CDC14B: variants seen among roughly 807,000 people sequenced by gnomAD.
CDC14B encodes the protein dual specificity protein phosphatase CDC14B.
A neutral mutation model predicts 64.2 loss-of-function variants in CDC14B; 22 were observed. The observed-to-expected ratio is 0.34, with a 90% CI of 0.24 to 0.49. CDC14B has a LOEUF of 0.49. Ranked by LOEUF, CDC14B falls within the 20% of genes least tolerant of loss-of-function variation. The pLI, the probability that CDC14B is intolerant of heterozygous loss-of-function variation, is 0.99. For synonymous variants in CDC14B, 191 were observed against 215.8 expected, an observed-to-expected ratio of 0.89 and a Z score of 1.01; for missense variants, 498 against 629.9, an observed-to-expected ratio of 0.79 and a Z score of 2.24.
intron 12 of CDC14B, among the ~76,000 whole-genome samples, chr9:96,516,337 C>A (rs752523646): frequency 6.6e-6 from 1 of 152,126 alleles, no homozygotes; most frequent in Admixed American, 6.5e-5. Flanking sequence ...TAATATGGTT[C>A]ACATTTAACC....
intron 5 of CDC14B, among the ~76,000 whole-genome samples, chr9:96,546,480 G>C (rs139296356): frequency 6.6e-6 from 1 of 150,676 alleles, no homozygotes; most frequent in Admixed American, 6.6e-5. Flanking sequence ...ACGGAGTTTC[G>C]CTCTTGTCGC....
chr9:96,611,750 C>CA (rs1483533776), intron 1 of CDC14B, among the ~76,000 whole-genome samples: 2 of 151,804 alleles, frequency 1.3e-5, no homozygotes, highest in Non-Finnish European at 1.5e-5. Context: ...AACAAAAAAA[C>CA]AAAAAAAGAC....
chr9:96,610,831 C>A (rs1847268476), intron 1 of CDC14B, among the ~76,000 whole-genome samples: 2 of 152,090 alleles, frequency 1.3e-5, no homozygotes, highest in Non-Finnish European at 2.9e-5. Context: ...AAACTACTTT[C>A]AGTATTAACT....
At chr9:96,618,795 G>C (rs912863864) in intron 1 of CDC14B, 2 of 350,958 alleles carry the variant, frequency 5.7e-6, no homozygotes, top group African/African-American at 2.2e-5. Context: ...CAGCGCGCTC[G>C]GGGAATCCTC....
At chr9:96,608,919 ACACAC>A (rs1564393112) in intron 1 of CDC14B, among the ~76,000 whole-genome samples, 50 of 151,372 alleles carry the variant, frequency 3.3e-4, no homozygotes, top group African/African-American at 1.2e-3. Context: ...ACACACACAC[ACACAC>A]ACGAAAAGAC....
At chr9:96,600,109 T>C (rs1025405038) in intron 1 of CDC14B, among the ~76,000 whole-genome samples, 2 of 151,958 alleles carry the variant, frequency 1.3e-5, no homozygotes, top group African/African-American at 2.4e-5. Context: ...TTTTAAAGAA[T>C]CTTGGCTGAG....
intron 4 of CDC14B, among the ~76,000 whole-genome samples, chr9:96,553,797 T>C (rs1267373440): frequency 1.3e-5 from 2 of 152,090 alleles, no homozygotes; most frequent in Non-Finnish European, 2.9e-5. Context: ...ACTTACCAGA[T>C]AACATCAGTA....
intron 1 of CDC14B, chr9:96,567,179 C>T: frequency 3.1e-6 from 1 of 323,824 alleles, no homozygotes; most frequent in Non-Finnish European, 5.8e-6. Flanking sequence ...AGGGGACATG[C>T]GTCAGAGGCC....
chr9:96,608,287 A>T (rs1162581089), intron 1 of CDC14B, among the ~76,000 whole-genome samples: 1 of 152,238 alleles, frequency 6.6e-6, no homozygotes, highest in Non-Finnish European at 1.5e-5. Flanking sequence ...TAGTGGAGTT[A>T]AAATCCCAGC....
chr9:96,541,140 A>G (rs1171922175), intron 6 of CDC14B, among the ~76,000 whole-genome samples: 2 of 152,232 alleles, frequency 1.3e-5, no homozygotes, highest in African/African-American at 4.8e-5. Flanking sequence ...CTGATTTACC[A>G]TTCTAGTTTC....
At chr9:96,516,854 T>C (rs1237377148) in intron 12 of CDC14B, among the ~76,000 whole-genome samples, 2 of 151,824 alleles carry the variant, frequency 1.3e-5, no homozygotes, top group Non-Finnish European at 2.9e-5. Context: ...TGCAGTGGTG[T>C]GATCTCGGCT....
intron 9 of CDC14B, among the ~76,000 whole-genome samples, chr9:96,524,312 G>A (rs944576338): frequency 8.5e-5 from 13 of 152,326 alleles, no homozygotes; most frequent in East Asian, 5.8e-4. Context: ...TCTTCCAGAT[G>A]ATTCTATGTG....
intron 9 of CDC14B, among the ~76,000 whole-genome samples, chr9:96,531,982 A>C (rs561925369): frequency 6.6e-6 from 1 of 152,216 alleles, no homozygotes; most frequent in East Asian, 1.9e-4. Context: ...GTTTGGTAGA[A>C]TTTACTGGCG....
chr9:96,541,933 C>A (rs749013663), intron 5 of CDC14B, 41 bp from the exon 6 acceptor site: 99 of 1,401,318 alleles, frequency 7.1e-5, no homozygotes, highest in Non-Finnish European at 9.3e-5. Context: ...AGTTAATTTT[C>A]TGCAATTACA....
At chr9:96,594,534 T>A (rs1845955823) in intron 1 of CDC14B, among the ~76,000 whole-genome samples, 1 of 151,652 alleles carries the variant, frequency 6.6e-6, no homozygotes. Flanking sequence ...CTAGGCAACA[T>A]GTCAAAATCC....
At chr9:96,559,392 A>G (rs544797153) in intron 4 of CDC14B, among the ~76,000 whole-genome samples, 12 of 152,326 alleles carry the variant, frequency 7.9e-5, no homozygotes, top group African/African-American at 2.9e-4. Context: ...GTCGAACACT[A>G]AAGAACCTTA....
chr9:96,535,307 C>CA (rs1839130200), intron 7 of CDC14B, among the ~76,000 whole-genome samples: 1 of 151,672 alleles, frequency 6.6e-6, no homozygotes, highest in South Asian at 2.1e-4. Flanking sequence ...AACTCTGTCT[C>CA]AAAAAACAAA....
At chr9:96,594,911 G>C (rs1341112322) in intron 1 of CDC14B, among the ~76,000 whole-genome samples, 1 of 152,072 alleles carries the variant, frequency 6.6e-6, no homozygotes, top group African/African-American at 2.4e-5. Context: ...CCAGCACTTT[G>C]GCTGTCTGAG....
At chr9:96,610,722 T>G (rs1186178720) in intron 1 of CDC14B, among the ~76,000 whole-genome samples, 1 of 150,436 alleles carries the variant, frequency 6.6e-6, no homozygotes, top group Non-Finnish European at 1.5e-5. Flanking sequence ...CAAGAGCCTA[T>G]GAAAGTGAAA....
Sources: allele counts gnomAD v4.1 joint callset (sites outside exome capture counted in the v4.1 genomes callset), GRCh38; gene constraint gnomAD v4.1.1; transcripts MANE v1.5; gene names NCBI Gene and HGNC (gene_info 2026-07-23, HGNC 2026-07-21).